Variants in SERGEF observed in about 807,000 individuals in gnomAD.
SERGEF encodes secretion regulating guanine nucleotide exchange factor, also known as secretion-regulating guanine nucleotide exchange factor.
A neutral mutation model predicts 50.0 loss-of-function variants in SERGEF; 51 were observed. That is an observed-to-expected ratio of 1.02 (90% CI 0.81 to 1.29). The LOEUF (loss-of-function observed/expected upper bound fraction) is 1.29. Among genes scored for constraint, SERGEF ranks in the 50% most tolerant of loss-of-function variants. SERGEF has a pLI of 0.00. For synonymous variants in SERGEF, 205 were observed against 212.4 expected, an observed-to-expected ratio of 0.97 and a Z score of 0.30; for missense variants, 521 against 557.0, an observed-to-expected ratio of 0.94 and a Z score of 0.65.
intron 9 of SERGEF, among the ~76,000 whole-genome samples, chr11:17,878,575 T>C (rs533376509): frequency 1.6e-4 from 25 of 152,288 alleles, no homozygotes; most frequent in African/African-American, 5.8e-4. Context: ...ACTGTAAAAA[T>C]GGAAAGATAA....
intron 10 of SERGEF, among the ~76,000 whole-genome samples, chr11:17,874,517 G>A (rs1851206784): frequency 1.3e-5 from 2 of 152,254 alleles, no homozygotes; most frequent in Non-Finnish European, 2.9e-5. Context: ...AAACTTAATT[G>A]GAAAACTAAG....
intron 9 of SERGEF, among the ~76,000 whole-genome samples, chr11:17,907,183 A>AAT (rs5790006): frequency 1.3e-5 from 2 of 151,094 alleles, no homozygotes; most frequent in African/African-American, 4.9e-5. Context: ...AAAAAAAAAA[A>AAT]TGTACTTTCA....
intron 8 of SERGEF, among the ~76,000 whole-genome samples, chr11:17,978,124 A>G (rs1025583355): frequency 1.3e-5 from 2 of 152,148 alleles, no homozygotes; most frequent in Non-Finnish European, 2.9e-5. Context: ...CTGAGCCTCA[A>G]TCCTCACCTA....
At chr11:17,893,533 A>C (rs547175695) in intron 9 of SERGEF, among the ~76,000 whole-genome samples, 66 of 152,304 alleles carry the variant, frequency 4.3e-4, no homozygotes, top group African/African-American at 1.5e-3. Context: ...TATGGAATCT[A>C]TATCAAGGTA....
intron 9 of SERGEF, among the ~76,000 whole-genome samples, chr11:17,882,668 G>A (rs1851357127): frequency 6.6e-6 from 1 of 152,154 alleles, no homozygotes; most frequent in African/African-American, 2.4e-5. Flanking sequence ...GGGCATGGGG[G>A]TGAGGAGATG....
chr11:17,837,562 A>C (rs1850423345), intron 10 of SERGEF, among the ~76,000 whole-genome samples: 1 of 150,500 alleles, frequency 6.6e-6, no homozygotes, highest in South Asian at 2.1e-4. Context: ...TTCTGTCATG[A>C]GTGGAAGCAG....
intron 8 of SERGEF, among the ~76,000 whole-genome samples, chr11:17,965,664 C>G (rs990511935): frequency 2.6e-5 from 4 of 152,182 alleles, no homozygotes; most frequent in Non-Finnish European, 5.9e-5. Flanking sequence ...ACACTGGGGA[C>G]TGGCTATTTC....
At position 18,007,866 on chromosome 11, in the gene SERGEF, A is replaced by C. The variant is rs1031847151; in HGVS notation, c.196+75T>G. ...CCTCTGCAAAATACAAAAGGCTGAA[A>C]GATGGCAATATCATATCCAGGGGAA... On this transcript the variant is annotated intron_variant, in intron 2 of 10. Coordinates refer to ENST00000265965, the MANE Select transcript of SERGEF (RefSeq NM_012139.4). The C allele has an allele frequency of 2.9e-6, 4 of 1,398,864 alleles. No individual in the cohort carries two copies. In the African/African-American group the frequency reaches 5.8e-5, roughly 20 times the overall value. The allele number at this position is 1,398,864 out of a possible 1,614,324, so 86.7% of individuals were successfully genotyped here.
In SERGEF at chr11:17,998,432, CATACATACATATATATAT is replaced by C. The variant is rs1289892192; in HGVS notation, c.508+2047_508+2064del. Among the ~76,000 whole-genome samples the C allele has an allele frequency of 2.0e-4, 11 of 55,880 alleles. No individual in the cohort carries two copies. The South Asian group carries it at 2.8e-3, about 14-fold the overall frequency. 36.7% of individuals were successfully genotyped at this position (55,880 alleles called of 152,430 possible). ...ACCCTATCTTAAAAATACATACATA[CATACATACATATATATAT>C]ATATATATATATATATATATATATA... On this transcript the variant is annotated intron_variant, in intron 5 of 10. Coordinates refer to ENST00000265965, the MANE Select transcript of SERGEF (RefSeq NM_012139.4).
At chr11:17,812,197 T>C (rs1182349271) in intron 10 of SERGEF, among the ~76,000 whole-genome samples, 1 of 152,144 alleles carries the variant, frequency 6.6e-6, no homozygotes, top group Non-Finnish European at 1.5e-5. Context: ...AGAAACCAGT[T>C]TTAAAATAAA....
intron 6 of SERGEF, among the ~76,000 whole-genome samples, chr11:17,994,253 T>C (rs753825136): frequency 6.6e-5 from 10 of 152,056 alleles, no homozygotes; most frequent in Non-Finnish European, 1.2e-4. Context: ...GACGGGTGGA[T>C]GACGAGGTCA....
chr11:17,859,342 T>G (rs1292157032), intron 10 of SERGEF, among the ~76,000 whole-genome samples: 2 of 152,020 alleles, frequency 1.3e-5, no homozygotes, highest in African/African-American at 4.8e-5. Flanking sequence ...AATAGCTGAA[T>G]AAAAGTTCCA....
chr11:17,840,371 C>A (rs1850478203), intron 10 of SERGEF, among the ~76,000 whole-genome samples: 1 of 152,204 alleles, frequency 6.6e-6, no homozygotes, highest in Admixed American at 6.5e-5. Flanking sequence ...TGGGTATTCA[C>A]AGATCCTATC....
At chr11:17,953,053 A>C (rs972781778) in intron 9 of SERGEF, among the ~76,000 whole-genome samples, 1 of 152,112 alleles carries the variant, frequency 6.6e-6, no homozygotes, top group Non-Finnish European at 1.5e-5. Flanking sequence ...CTTTCCAGTC[A>C]CAACCTCCCA....
At chr11:17,886,337 C>T (rs181238010) in intron 9 of SERGEF, among the ~76,000 whole-genome samples, 91 of 152,218 alleles carry the variant, frequency 6.0e-4, no homozygotes, top group Admixed American at 1.9e-3. Context: ...AAGCTGGACA[C>T]GGTGGCACAC....
In SERGEF at chr11:17,993,957, C is replaced by T. The variant is rs147284562; in HGVS notation, c.623-964G>A. Among the ~76,000 whole-genome samples the T allele has an allele frequency of 4.7e-3, 722 of 152,238 alleles. 8 individuals carry two copies. Among genetic ancestry groups the T allele is most frequent in the African/African-American group, 0.016 (669 of 41,548 alleles). ...AAACCAACTCTGAATGTAAGCTGTG[C>T]CCCACCCAAACAGATGCCAAACAGG... On this transcript the variant is annotated intron_variant, in intron 6 of 10. Coordinates refer to ENST00000265965, the MANE Select transcript of SERGEF (RefSeq NM_012139.4).
At chr11:17,885,454 G>C (rs571003490) in intron 9 of SERGEF, among the ~76,000 whole-genome samples, 3 of 151,766 alleles carry the variant, frequency 2.0e-5, no homozygotes, top group Admixed American at 1.3e-4. Flanking sequence ...CCTGAGTAGC[G>C]AGGACTACAG....
intron 8 of SERGEF, among the ~76,000 whole-genome samples, chr11:17,970,708 G>A (rs1001995828): frequency 6.6e-6 from 1 of 152,130 alleles, no homozygotes; most frequent in African/African-American, 2.4e-5. Flanking sequence ...AAGCAAAATG[G>A]CCTTTTTGCT....
intron 10 of SERGEF, among the ~76,000 whole-genome samples, chr11:17,865,058 C>T: frequency 6.6e-6 from 1 of 152,168 alleles, no homozygotes; most frequent in East Asian, 1.9e-4. Flanking sequence ...TATAGTCATG[C>T]TATTTTGTTG....
Sources: allele counts gnomAD v4.1 joint callset (sites outside exome capture counted in the v4.1 genomes callset), GRCh38; gene constraint gnomAD v4.1.1; transcripts MANE v1.5; gene names NCBI Gene and HGNC (gene_info 2026-07-23, HGNC 2026-07-21).